The following PTPRT variants were observed in gnomAD, a reference collection of about 807,000 sequenced individuals.
The protein encoded by PTPRT is receptor-type tyrosine-protein phosphatase T.
Under a neutral mutation model 176.8 loss-of-function variants are expected in PTPRT, and 56 were observed. The ratio of observed to expected loss-of-function variants is 0.32; its 90% CI spans 0.26 to 0.40. The LOEUF is 0.40. Ranked by LOEUF, PTPRT falls within the 10% of genes least tolerant of loss-of-function variation. The pLI is 1.00. For synonymous variants in PTPRT, 783 were observed against 739.0 expected (o/e 1.06, Z -0.96); for missense variants, 1,540 against 1,908.2 (o/e 0.81, Z 3.60).
At position 42,998,105 on chromosome 20, in the gene PTPRT, A is replaced by G. The variant is rs367954899; in HGVS notation, c.89-112173T>C. Reference sequence around the variant, plus strand: ...TGTGAGATCGTTGATTCTCAAGGGAAAAGCTACCCCCTCTATGGAAAAGTA... The same window carrying G: ...TGTGAGATCGTTGATTCTCAAGGGAGAAGCTACCCCCTCTATGGAAAAGTA... On this transcript the variant is annotated intron_variant, in intron 1 of 30. Transcript: ENST00000373187. Among the ~76,000 whole-genome samples the G allele has an allele frequency of 9.8e-5, 15 of 152,316 alleles. No individual in the cohort carries two copies. In the East Asian group the frequency reaches 1.9e-3, roughly 20 times the overall value.
chr20:43,132,613 G>GA (rs1246200155), intron 1 of PTPRT, among the ~76,000 whole-genome samples: 1 of 152,170 alleles, frequency 6.6e-6, no homozygotes, highest in South Asian at 2.1e-4. Context: ...TGAAGAATCA[G>GA]AAAAATCTAA....
intron 2 of PTPRT, among the ~76,000 whole-genome samples, chr20:42,807,760 G>C (rs1037654321): frequency 2.0e-5 from 3 of 152,160 alleles, no homozygotes; most frequent in Non-Finnish European, 4.4e-5. Context: ...CCATTCATTT[G>C]TTCACTCATT....
At chr20:43,021,224 A>T (rs1985665883) in intron 1 of PTPRT, among the ~76,000 whole-genome samples, 1 of 152,194 alleles carries the variant, frequency 6.6e-6, no homozygotes. Flanking sequence ...TGCTCCTCTC[A>T]TACAAACCCC....
intron 15 of PTPRT, among the ~76,000 whole-genome samples, chr20:42,219,899 C>A (rs950312568): frequency 8.5e-5 from 13 of 152,160 alleles, no homozygotes; most frequent in Admixed American, 1.3e-4. Context: ...CAGATGAGAA[C>A]TCACATGTAG....
intron 6 of PTPRT, among the ~76,000 whole-genome samples, chr20:42,724,509 A>G (rs2076349219): frequency 1.3e-5 from 2 of 152,168 alleles, no homozygotes; most frequent in Admixed American, 1.3e-4. Context: ...CTTAGTTTTC[A>G]TACTTAGTTT....
rs531696395 is a variant in PTPRT, at chr20:43,140,116, T to C, written c.88+49530A>G. Among the ~76,000 whole-genome samples, 3 of 152,334 alleles carry C rather than the reference T, an allele frequency of 2.0e-5. No homozygotes were observed. In the East Asian group the frequency reaches 5.8e-4, roughly 29 times the overall value. On this transcript the variant is annotated intron_variant, in intron 1 of 30. Coordinates refer to ENST00000373187, the MANE Select transcript of PTPRT (RefSeq NM_007050.6). ...CTCAGTGATAATTTATGCAAAAAAC[T>C]ACATGTATTTAAATATGTGTGTGTG...
intron 1 of PTPRT, among the ~76,000 whole-genome samples, chr20:43,036,818 C>A (rs1986399061): frequency 1.3e-5 from 2 of 152,062 alleles, no homozygotes; most frequent in Non-Finnish European, 1.5e-5. Context: ...AAAATACATA[C>A]CTGACTTTTC....
chr20:42,883,809 C>A (rs1394112625), intron 2 of PTPRT, among the ~76,000 whole-genome samples: 1 of 145,768 alleles, frequency 6.9e-6, no homozygotes, highest in Non-Finnish European at 1.5e-5. Flanking sequence ...ACAACCCTTA[C>A]ACCCCCATAT....
At chr20:42,110,298 C>A in intron 23 of PTPRT, 35 bp downstream of exon 23, 1 of 1,562,218 alleles carries the variant, frequency 6.4e-7, no homozygotes, top group Non-Finnish European at 8.7e-7. Flanking sequence ...GATCTGCCCG[C>A]CTCGGCCTCC....
At chr20:42,909,429 TCTTA>T in intron 1 of PTPRT, among the ~76,000 whole-genome samples, 1 of 152,206 alleles carries the variant, frequency 6.6e-6, no homozygotes, top group Admixed American at 6.5e-5. Flanking sequence ...GTTAAAATTA[TCTTA>T]CTTCTAATCA....
the PTPRT span, among the ~76,000 whole-genome samples, chr20:42,058,486 T>G: frequency 6.6e-6 from 1 of 152,194 alleles, no homozygotes; most frequent in Non-Finnish European, 1.5e-5. Context: ...CACTCTCATA[T>G]TCTCCAAGCC....
intron 12 of PTPRT, among the ~76,000 whole-genome samples, chr20:42,314,537 A>AAAG (rs1449790294): frequency 6.7e-6 from 1 of 149,924 alleles, no homozygotes; most frequent in Non-Finnish European, 1.5e-5. Context: ...AAAAAAAAAA[A>AAAG]AAAAAGAAAG....
At chr20:42,446,094 G>C (rs1380972441) in intron 9 of PTPRT, among the ~76,000 whole-genome samples, 3 of 152,104 alleles carry the variant, frequency 2.0e-5, no homozygotes, top group Non-Finnish European at 4.4e-5. Flanking sequence ...CATCCTACTA[G>C]AGGAAAAAGT....
At chr20:42,930,134 G>A (rs1979739129) in intron 1 of PTPRT, among the ~76,000 whole-genome samples, 1 of 152,218 alleles carries the variant, frequency 6.6e-6, no homozygotes. Context: ...ACAGGGAAAG[G>A]ACTTGGGGAG....
At chr20:42,635,865 G>A (rs1014369293) in intron 7 of PTPRT, among the ~76,000 whole-genome samples, 7 of 152,024 alleles carry the variant, frequency 4.6e-5, no homozygotes, top group South Asian at 2.1e-4. Flanking sequence ...GCTTGATATC[G>A]TCACCAAGAA....
At chr20:42,495,762 T>A (rs2071642143) in intron 7 of PTPRT, among the ~76,000 whole-genome samples, 1 of 152,190 alleles carries the variant, frequency 6.6e-6, no homozygotes, top group Non-Finnish European at 1.5e-5. Flanking sequence ...GGGTTCAGCA[T>A]TTCCATGTAG....
chr20:42,522,085 T>C (rs1174657840), intron 7 of PTPRT, among the ~76,000 whole-genome samples: 1 of 151,256 alleles, frequency 6.6e-6, no homozygotes, highest in African/African-American at 2.4e-5. Flanking sequence ...GCCTTTGCTT[T>C]GGGTTTCTTC....
intron 1 of PTPRT, among the ~76,000 whole-genome samples, chr20:42,891,215 C>T (rs2079186233): frequency 6.6e-6 from 1 of 152,186 alleles, no homozygotes; most frequent in African/African-American, 2.4e-5. Context: ...CTCGACCTCA[C>T]CACAATCATT....
chr20:43,176,816 G>A (rs1054034235), intron 1 of PTPRT, among the ~76,000 whole-genome samples: 1 of 152,150 alleles, frequency 6.6e-6, no homozygotes, highest in Non-Finnish European at 1.5e-5. Flanking sequence ...TTATTAGTAT[G>A]AGGTCATCCA....
Sources: gnomAD v4.1 joint callset for allele counts (sites outside exome capture counted in the v4.1 genomes callset) on GRCh38, gnomAD v4.1.1 for gene constraint, MANE v1.5 for transcripts, NCBI Gene and HGNC (gene_info 2026-07-23, HGNC 2026-07-21) for gene names.